TAFA4: variants seen among roughly 807,000 people sequenced by gnomAD.
TAFA4 encodes the protein chemokine-like protein TAFA-4.
In TAFA4, 20 loss-of-function variants were observed where a neutral mutation model predicts 21.1. The observed-to-expected ratio is 0.95, with a 90% confidence interval of 0.67 to 1.38. The LOEUF is 1.38. Ranked by LOEUF, TAFA4 falls within the 40% of genes most tolerant of loss-of-function variation. The pLI, the probability that TAFA4 is intolerant of heterozygous loss-of-function variation, is 0.00. For synonymous variants in TAFA4, 71 were observed against 67.4 expected (o/e 1.05, Z -0.26); for missense variants, 211 against 180.9 (o/e 1.17, Z -0.95).
intron 5 of TAFA4, among the ~76,000 whole-genome samples, chr3:68,735,242 G>A (rs992194644): frequency 7.9e-5 from 12 of 152,096 alleles, no homozygotes; most frequent in East Asian, 7.7e-4. Flanking sequence ...TACATGGCCT[G>A]TACAATGATT....
chr3:68,735,813 T>G (rs147523431), intron 5 of TAFA4, among the ~76,000 whole-genome samples: 26 of 152,268 alleles, frequency 1.7e-4, no homozygotes, highest in African/African-American at 5.8e-4. Context: ...TATACTATTC[T>G]TTAAAGCAGC....
At chr3:68,855,889 G>A (rs1462200603) in intron 3 of TAFA4, among the ~76,000 whole-genome samples, 1 of 152,080 alleles carries the variant, frequency 6.6e-6, no homozygotes, top group Non-Finnish European at 1.5e-5. Context: ...CTGACAGAAA[G>A]AGCCAAGCTC....
At chr3:68,740,285 T>C (rs1289465673) in intron 4 of TAFA4, among the ~76,000 whole-genome samples, 1 of 152,216 alleles carries the variant, frequency 6.6e-6, no homozygotes, top group Non-Finnish European at 1.5e-5. Context: ...GTTACAATGG[T>C]ATTGCAACTG....
intron 3 of TAFA4, among the ~76,000 whole-genome samples, chr3:68,845,605 T>A (rs1470742388): frequency 1.3e-5 from 2 of 152,228 alleles, no homozygotes; most frequent in African/African-American, 2.4e-5. Flanking sequence ...TGCAGTTTCT[T>A]CATAGTGTCA....
At chr3:68,750,250 T>TCA (rs1411546154) in intron 4 of TAFA4, among the ~76,000 whole-genome samples, 5 of 152,144 alleles carry the variant, frequency 3.3e-5, no homozygotes, top group Non-Finnish European at 7.4e-5. Flanking sequence ...TGAGTTATGA[T>TCA]CATGCCACTG....
At chr3:68,822,312 A>G (rs1387732) in intron 3 of TAFA4, among the ~76,000 whole-genome samples, 42,022 of 152,112 alleles carry the variant, frequency 0.28, 7,155 homozygotes, top group Non-Finnish European at 0.39. Flanking sequence ...CTACTCTATT[A>G]TGAACTCTGA....
At chr3:68,826,061 G>A (rs1362921645) in intron 3 of TAFA4, among the ~76,000 whole-genome samples, 1 of 152,144 alleles carries the variant, frequency 6.6e-6, no homozygotes, top group Non-Finnish European at 1.5e-5. Context: ...AGGTGAGGGA[G>A]GGTTGTTAAG....
chr3:68,928,654 G>A (rs1171405949), intron 1 of TAFA4, among the ~76,000 whole-genome samples: 2 of 152,146 alleles, frequency 1.3e-5, no homozygotes, highest in African/African-American at 4.8e-5. Context: ...GTATACAGCT[G>A]TCCAATCCTT....
intron 1 of TAFA4, among the ~76,000 whole-genome samples, chr3:68,930,144 T>C (rs2090145457): frequency 6.6e-6 from 1 of 152,114 alleles, no homozygotes; most frequent in South Asian, 2.1e-4. Flanking sequence ...TCTTTTTCTT[T>C]TTTAATTACT....
intron 1 of TAFA4, among the ~76,000 whole-genome samples, chr3:68,897,482 C>T (rs1295112092): frequency 6.6e-6 from 1 of 151,722 alleles, no homozygotes; most frequent in African/African-American, 2.4e-5. Flanking sequence ...AAAAATTAGC[C>T]GGGCATGGTG....
chr3:68,779,353 T>C (rs1383147860), intron 3 of TAFA4, among the ~76,000 whole-genome samples: 1 of 152,190 alleles, frequency 6.6e-6, no homozygotes, highest in Non-Finnish European at 1.5e-5. Context: ...TATAAAAATT[T>C]GCATAAGTAA....
At chr3:68,809,519 A>ATTTTTT (rs200107940) in intron 3 of TAFA4, among the ~76,000 whole-genome samples, 1 of 127,138 alleles carries the variant, frequency 7.9e-6, no homozygotes, top group Non-Finnish European at 1.6e-5. Context: ...CACTATGTTG[A>ATTTTTT]TTTTTTTTTT....
At chr3:68,765,851 T>C (rs1238814224) in intron 3 of TAFA4, among the ~76,000 whole-genome samples, 1 of 152,132 alleles carries the variant, frequency 6.6e-6, no homozygotes, top group East Asian at 1.9e-4. Context: ...AGAGATTCAG[T>C]ATCCCCTCAC....
intron 1 of TAFA4, among the ~76,000 whole-genome samples, chr3:68,907,343 C>T (rs2089911962): frequency 6.6e-6 from 1 of 152,148 alleles, no homozygotes; most frequent in South Asian, 2.1e-4. Flanking sequence ...AAGTCCCCTG[C>T]TTTGGAGAAT....
rs79102867 is a variant in TAFA4, at chr3:68,775,183, A to G, written c.131-22165T>C. On this transcript the variant is annotated intron_variant, in intron 3 of 5. Transcript: ENST00000295569. ...CCCTTATGTGAGCTGGGAGCCTCTA[A>G]CACAATAGGATTTGGGGGAATTTGT... Among the ~76,000 whole-genome samples the G allele has an allele frequency of 7.9e-3, 1,204 of 152,246 alleles. 18 individuals are homozygous for G. The highest frequency in any genetic ancestry group is 0.027 in the African/African-American group (1,119 of 41,540).
chr3:68,892,354 T>C (rs1293687010), intron 1 of TAFA4, among the ~76,000 whole-genome samples: 1 of 152,202 alleles, frequency 6.6e-6, no homozygotes, highest in Admixed American at 6.5e-5. Context: ...AAGAATTTTA[T>C]AAATGGCATT....
intron 3 of TAFA4, among the ~76,000 whole-genome samples, chr3:68,775,099 G>A (rs1240756893): frequency 1.3e-5 from 2 of 152,152 alleles, no homozygotes. Flanking sequence ...GGAAGAAACG[G>A]TAGCTGCTAT....
chr3:68,822,846 C>T (rs1704143124), intron 3 of TAFA4, among the ~76,000 whole-genome samples: 1 of 152,208 alleles, frequency 6.6e-6, no homozygotes, highest in African/African-American at 2.4e-5. Flanking sequence ...ACCTTCACCA[C>T]TCTCAATTCT....
At chr3:68,876,866 AAC>A (rs1003811595) in intron 3 of TAFA4, among the ~76,000 whole-genome samples, 51 of 152,318 alleles carry the variant, frequency 3.3e-4, no homozygotes, top group African/African-American at 1.2e-3. Flanking sequence ...TCACTAAGCA[AAC>A]ACAGTTCTCA....
Sources: gnomAD v4.1 joint callset for allele counts (sites outside exome capture counted in the v4.1 genomes callset) on GRCh38, gnomAD v4.1.1 for gene constraint, MANE v1.5 for transcripts, NCBI Gene and HGNC (gene_info 2026-07-23, HGNC 2026-07-21) for gene names.